RTN4RL1: variants seen among roughly 807,000 people sequenced by gnomAD.
RTN4RL1 encodes the protein reticulon-4 receptor-like 1.
Under a neutral mutation model 25.6 loss-of-function variants are expected in RTN4RL1, and 7 were observed. The observed-to-expected ratio is 0.27, with a 90% confidence interval of 0.16 to 0.51. The LOEUF (loss-of-function observed/expected upper bound fraction) is 0.51, where lower values mean the gene tolerates loss of function less well. Ranked by LOEUF, RTN4RL1 falls within the 20% of genes least tolerant of loss-of-function variation. The pLI is 0.97. For missense variants in RTN4RL1, 500 were observed against 615.6 expected, an observed-to-expected ratio of 0.81 and a Z score of 1.99; for synonymous variants, 297 against 288.2, an observed-to-expected ratio of 1.03 and a Z score of -0.31.
chr17:1,993,279 G>A (rs1333697504), intron 1 of RTN4RL1, among the ~76,000 whole-genome samples: 2 of 152,028 alleles, frequency 1.3e-5, no homozygotes, highest in Non-Finnish European at 2.9e-5. Context: ...AGAAACTACA[G>A]GTGTGTATTA....
Position 1,937,600 on chromosome 17 carries a change from G to C in RTN4RL1, c.222C>G (p.Phe74Leu). 1 of 1,613,956 alleles carries C rather than the reference G, an allele frequency of 6.2e-7. No homozygotes were observed. Among genetic ancestry groups the C allele is most frequent in the Non-Finnish European group, 8.5e-7 (1 of 1,179,836 alleles). ...NRIGLLQPGH[F>L]SPAMVTLWIY... ...TCCACAGGGTGACCATGGCGGGGCTGAAGTGGCCGGGCTGGAGGAGGCCGA... is the reference window on the plus strand; with the variant it reads ...TCCACAGGGTGACCATGGCGGGGCTCAAGTGGCCGGGCTGGAGGAGGCCGA... Residue 74 changes from phenylalanine (F) to leucine (L), a missense_variant, in exon 2 of 2, where the codon TTC becomes TTG. Around this residue, in one of 2 missense-constraint regions of RTN4RL1, gnomAD observed 232 missense variants for 341.1 expected, o/e 0.68. Coordinates refer to ENST00000331238, the MANE Select transcript of RTN4RL1 (RefSeq NM_178568.4).
At chr17:1,963,005 A>T (rs1260466295) in intron 1 of RTN4RL1, among the ~76,000 whole-genome samples, 1 of 151,730 alleles carries the variant, frequency 6.6e-6, no homozygotes, top group African/African-American at 2.4e-5. Context: ...AGGTATAATC[A>T]TAGCTCACTG....
At chr17:1,959,845 G>A (rs948375807) in intron 1 of RTN4RL1, among the ~76,000 whole-genome samples, 3 of 152,148 alleles carry the variant, frequency 2.0e-5, no homozygotes, top group Non-Finnish European at 4.4e-5. Context: ...TTACAGGCGT[G>A]AGCCACCGCG....
At chr17:2,021,775 G>A (rs1426568961) in intron 1 of RTN4RL1, among the ~76,000 whole-genome samples, 4 of 149,598 alleles carry the variant, frequency 2.7e-5, no homozygotes, top group Non-Finnish European at 5.9e-5. Context: ...GGCTGGTCTC[G>A]AACTCCTGAC....
At chr17:2,017,490 CA>C (rs1447680200) in intron 1 of RTN4RL1, among the ~76,000 whole-genome samples, 5 of 152,356 alleles carry the variant, frequency 3.3e-5, no homozygotes, top group African/African-American at 9.6e-5. Flanking sequence ...CTGGCCTGCC[CA>C]CTCCTGGGAG....
intron 1 of RTN4RL1, among the ~76,000 whole-genome samples, chr17:2,012,410 G>A (rs1188852887): frequency 1.3e-5 from 2 of 152,146 alleles, no homozygotes; most frequent in East Asian, 1.9e-4. Flanking sequence ...TCAGAGCCTC[G>A]GTATCCTCAT....
At chr17:2,024,614 C>T (rs2067249524) in intron 1 of RTN4RL1, among the ~76,000 whole-genome samples, 1 of 152,208 alleles carries the variant, frequency 6.6e-6, no homozygotes, top group African/African-American at 2.4e-5. Context: ...ACTGACCCCT[C>T]CGGGCCGGAT....
intron 1 of RTN4RL1, among the ~76,000 whole-genome samples, chr17:1,945,005 C>T (rs1249951569): frequency 2.0e-5 from 3 of 152,170 alleles, no homozygotes; most frequent in Non-Finnish European, 2.9e-5. Flanking sequence ...TGAGCTGCCA[C>T]CCCCTCCTTC....
chr17:1,953,407 A>G (rs1210709193), intron 1 of RTN4RL1, among the ~76,000 whole-genome samples: 1 of 152,106 alleles, frequency 6.6e-6, no homozygotes, highest in Non-Finnish European at 1.5e-5. Context: ...CGTCTCAAAA[A>G]TTAAAATTGG....
At chr17:2,008,717 G>A (rs940449963) in intron 1 of RTN4RL1, among the ~76,000 whole-genome samples, 1 of 152,104 alleles carries the variant, frequency 6.6e-6, no homozygotes, top group African/African-American at 2.4e-5. Context: ...TCCGTGGCAC[G>A]AACAGTGACT....
chr17:1,962,840 C>T (rs936339873), intron 1 of RTN4RL1, among the ~76,000 whole-genome samples: 3 of 119,900 alleles, frequency 2.5e-5, no homozygotes, highest in African/African-American at 3.3e-5. Flanking sequence ...CCAGCCTGGG[C>T]GGCAGAGGGA....
intron 1 of RTN4RL1, chr17:2,019,724 G>A (rs1453528526): frequency 6.6e-6 from 1 of 152,290 alleles, no homozygotes; most frequent in Non-Finnish European, 1.5e-5. Flanking sequence ...CTGAGGCGGA[G>A]GCCAGAAACT....
At chr17:1,997,291 T>A (rs2066933505) in intron 1 of RTN4RL1, among the ~76,000 whole-genome samples, 1 of 152,198 alleles carries the variant, frequency 6.6e-6, no homozygotes, top group Non-Finnish European at 1.5e-5. Flanking sequence ...CCTTTGCACT[T>A]CCTACAGACT....
intron 1 of RTN4RL1, among the ~76,000 whole-genome samples, chr17:2,023,933 G>T (rs902219406): frequency 1.3e-5 from 2 of 152,092 alleles, no homozygotes; most frequent in African/African-American, 4.8e-5. Context: ...GCGCGGGGGG[G>T]ATCCCGGCGG....
At chr17:2,014,278 C>T (rs1455033297) in intron 1 of RTN4RL1, among the ~76,000 whole-genome samples, 1 of 152,116 alleles carries the variant, frequency 6.6e-6, no homozygotes, top group Non-Finnish European at 1.5e-5. Flanking sequence ...TTGCAGTCTC[C>T]TCATGGAACT....
At chr17:1,974,008 C>T (rs935946143) in intron 1 of RTN4RL1, among the ~76,000 whole-genome samples, 18 of 130,320 alleles carry the variant, frequency 1.4e-4, no homozygotes, top group African/African-American at 5.4e-4. Context: ...CACTGCACTC[C>T]AGTCTGGGCG....
intron 1 of RTN4RL1, 102 bp from the exon 2 acceptor site, chr17:1,937,910 G>A (rs558834788): frequency 1.0e-4 from 98 of 949,242 alleles, no homozygotes; most frequent in Admixed American, 1.6e-4. Context: ...TCTTGGCTGA[G>A]CTCCGTGAGA....
At chr17:1,941,610 G>T (rs972953975) in intron 1 of RTN4RL1, among the ~76,000 whole-genome samples, 4 of 152,160 alleles carry the variant, frequency 2.6e-5, no homozygotes, top group Admixed American at 2.6e-4. Context: ...AGGCGGTGGG[G>T]GGGGATCCGA....
rs1170631989 is a variant in RTN4RL1 at position 1,935,782 on chromosome 17, G to A, written c.*714C>T. 2.7e-5 allele frequency: 25 copies of A among 909,924 alleles called. No homozygotes were observed. Among genetic ancestry groups the A allele is most frequent in the East Asian group, 1.2e-4 (1 of 8,082 alleles). 56.4% of individuals were successfully genotyped at this position (909,924 alleles called of 1,614,324 possible). ...AGAGTGTGAATATATATAAGTGGAC[G>A]TAGTTAGTTATAAAACTGCACCTTC... On this transcript the variant is annotated 3_prime_UTR_variant, in exon 2 of 2. Coordinates refer to ENST00000331238, the MANE Select transcript of RTN4RL1 (RefSeq NM_178568.4).
Sources: gnomAD v4.1 joint callset for allele counts (sites outside exome capture counted in the v4.1 genomes callset) on GRCh38, gnomAD v4.1.1 for gene constraint, gnomAD v4.1.1 regional missense constraint, MANE v1.5 for transcripts, NCBI Gene and HGNC (gene_info 2026-07-23, HGNC 2026-07-21) for gene names.